Variants in NUP153 observed in about 807,000 individuals in gnomAD.
NUP153 encodes nuclear pore complex protein Nup153.
Under a neutral mutation model 134.6 loss-of-function variants are expected in NUP153, and 27 were observed. That is an observed-to-expected ratio of 0.20 (90% CI 0.15 to 0.28). NUP153 has a LOEUF of 0.28. NUP153 is among the 10% of genes least tolerant of loss of function. NUP153 has a pLI of 1.00. For synonymous variants in NUP153, 640 were observed against 623.5 expected (o/e 1.03, Z -0.40); for missense variants, 1,821 against 1,731.3 (o/e 1.05, Z -0.92).
In NUP153 at chr6:17,638,459, A is replaced by G. The variant is rs1199809737; in HGVS notation, c.1847-689T>C. On this transcript the variant is annotated intron_variant, in intron 15 of 21. Coordinates refer to ENST00000262077, the MANE Select transcript of NUP153 (RefSeq NM_005124.4). The surrounding 1 kb of genome is among the most constrained non-coding windows in gnomAD (Gnocchi z 4.0). ...AGGAGAGAAGATGTAGAAGGTTATT[A>G]GAGGTTTTCTAGTTCCACAAAATAA... Among the ~76,000 whole-genome samples, 1 of 152,242 alleles carries G rather than the reference A, an allele frequency of 6.6e-6. No homozygotes were observed. Among genetic ancestry groups the G allele is most frequent in the Non-Finnish European group, 1.5e-5 (1 of 68,040 alleles).
chr6:17,652,821 C>T (rs1293447917), intron 11 of NUP153, among the ~76,000 whole-genome samples: 1 of 151,768 alleles, frequency 6.6e-6, no homozygotes, highest in Non-Finnish European at 1.5e-5. Flanking sequence ...GTCAGGAGTT[C>T]GAGACCAGCC....
intron 11 of NUP153, among the ~76,000 whole-genome samples, chr6:17,651,431 A>T (rs1766488754): frequency 6.6e-6 from 1 of 152,200 alleles, no homozygotes; most frequent in Non-Finnish European, 1.5e-5. Context: ...GATGAATGAT[A>T]GCCCTCATTC....
chr6:17,650,089 C>T (rs3777713), intron 11 of NUP153, among the ~76,000 whole-genome samples: 3 of 152,062 alleles, frequency 2.0e-5, no homozygotes, highest in African/African-American at 7.2e-5. Flanking sequence ...TTGTGCTAAA[C>T]GCAGAGTAGC....
At position 17,625,829 on chromosome 6, in the gene NUP153, T is replaced by A. The variant is rs1418649687; in HGVS notation, c.3880A>T (p.Thr1294Ser). The change falls in exon 19 of 22, where the codon ACA becomes TCA. Residue 1294 changes from threonine (T) to serine (S), a missense_variant. Coordinates refer to ENST00000262077, the MANE Select transcript of NUP153 (RefSeq NM_005124.4). This position sits in a 1 kb window ranked among gnomAD's most constrained non-coding sequence, Gnocchi z 4.7. ...GTACCTGCAGAGCTAGATGTGGTTG[T>A]GGCTCCAAAGCCGAAACCAGAGGTG... ...TTTSGFGFGA[T>S]TTSSSAGSSF... 6.2e-7 allele frequency: 1 copy of A among 1,613,848 alleles called. No individual in the cohort carries two copies.
chr6:17,629,388 T>C lies in NUP153; in HGVS notation c.2811A>G (p.Ser937=). 1 of 1,614,088 alleles carries C rather than the reference T, an allele frequency of 6.2e-7. No homozygotes were observed. The highest frequency in any genetic ancestry group is 8.5e-7 in the Non-Finnish European group (1 of 1,179,970). Residue 937 remains serine (S), a synonymous_variant, in exon 18 of 22, where the codon TCA becomes TCG. Coordinates refer to ENST00000262077, the MANE Select transcript of NUP153 (RefSeq NM_005124.4). ...TGGGGTTTATAGACCCAGAATCGGA[T>C]GACACACCTATTTTGAATCCTCCCT... ...GDQGGFKIGV[S]SDSGSINPMS... is the part of the protein sequence containing the mutation.
intron 1 of NUP153, among the ~76,000 whole-genome samples, chr6:17,697,207 G>C (rs1769709885): frequency 6.6e-6 from 1 of 152,114 alleles, no homozygotes; most frequent in African/African-American, 2.4e-5. Context: ...AATCCACTGG[G>C]TATTCTCTCT....
chr6:17,651,915 G>A (rs1429551433), intron 11 of NUP153: 15 of 660,780 alleles, frequency 2.3e-5, no homozygotes, highest in Non-Finnish European at 4.2e-5. Context: ...GCAATACGGT[G>A]AGACCTTGTC....
intron 9 of NUP153, among the ~76,000 whole-genome samples, chr6:17,662,722 A>G (rs973353718): frequency 2.6e-5 from 4 of 152,352 alleles, no homozygotes; most frequent in Non-Finnish European, 4.4e-5. Flanking sequence ...CCACACTGCC[A>G]GGAATGGGAC....
At chr6:17,623,914 AAG>A (rs1265003675) in intron 20 of NUP153, among the ~76,000 whole-genome samples, 1 of 152,202 alleles carries the variant, frequency 6.6e-6, no homozygotes, top group African/African-American at 2.4e-5. Flanking sequence ...AGAGTGGAGA[AAG>A]AGAGGAGTGT....
chr6:17,700,566 T>G (rs2113864793), intron 1 of NUP153, among the ~76,000 whole-genome samples: 2 of 152,316 alleles, frequency 1.3e-5, no homozygotes, highest in Middle Eastern at 6.8e-3. Context: ...CTGGAATGAT[T>G]TAAATATTCG....
chr6:17,706,413 C>G lies in NUP153; in HGVS notation c.-26G>C. The G allele has an allele frequency of 6.3e-7, 1 of 1,587,048 alleles. No individual in the cohort carries two copies. Among genetic ancestry groups the G allele is most frequent in the East Asian group, 2.2e-5 (1 of 44,658 alleles). On this transcript the variant is annotated 5_prime_UTR_variant, in exon 1 of 22. Transcript: ENST00000262077. The surrounding 1 kb of genome is among the most constrained non-coding windows in gnomAD (Gnocchi z 5.9). ...GGCGGAGCCTCCGCCGCTTCCCGCT[C>G]CGGGGCGGGTAAGGGGGCGGGAGAG...
rs775857811 is a variant in NUP153 at position 17,647,828 on chromosome 6, T to G, written c.1611A>C (p.Ala537=). 3 of 1,605,940 alleles carry G rather than the reference T, an allele frequency of 1.9e-6. No individual in the cohort carries two copies. In the African/African-American group the frequency reaches 4.0e-5, roughly 21 times the overall value. Residue 537 remains alanine, a synonymous_variant, in exon 13 of 22, where the codon GCA becomes GCC. Transcript: ENST00000262077. The part of the protein sequence containing the change: ...FSSPIVKSTE[A]NVLPPSSIGF... ...TTACAGATGATGGAGGTAGTACATT[T>G]GCCTCAGTAGATTTTACGATTGGAG...
chr6:17,674,948 G>A lies in NUP153; in HGVS notation c.809C>T (p.Ala270Val). ...TAGTTTAGACTGTCTTACAGCAGCT[G>A]CTGCCCCACCGTATGTTGTTTTTCC... ...YPGKTTYGGAAAAVRQSKLRN... is the reference protein window; with the variant it reads ...YPGKTTYGGAVAAVRQSKLRN... Residue 270 changes from alanine to valine, a missense_variant, in exon 5 of 22, where the codon GCA becomes GTA. Physicochemically the swap from Ala to Val is moderately conservative, Grantham distance 64. Coordinates refer to ENST00000262077, the MANE Select transcript of NUP153 (RefSeq NM_005124.4). The A allele has an allele frequency of 6.2e-7, 1 of 1,613,720 alleles. No individual in the cohort carries two copies. The highest frequency in any genetic ancestry group is 8.5e-7 in the Non-Finnish European group (1 of 1,179,742).
intron 11 of NUP153, among the ~76,000 whole-genome samples, chr6:17,657,050 T>G (rs560360596): frequency 1.3e-5 from 2 of 152,288 alleles, no homozygotes; most frequent in South Asian, 4.1e-4. Flanking sequence ...ACTGATTTCT[T>G]TAATTCTTTG....
intron 11 of NUP153, among the ~76,000 whole-genome samples, chr6:17,649,589 A>G (rs1290535911): frequency 4.6e-5 from 7 of 152,216 alleles, no homozygotes; most frequent in Non-Finnish European, 8.8e-5. Context: ...AATATGAAAC[A>G]TAAAGTTATA....
chr6:17,675,361 A>T lies in NUP153; in HGVS notation c.591T>A (p.Thr197=). ...GTGGCAATGAAGTGTTCTTTGAAAC[A>T]GTTATATCTGAAACAAAATTACATA... ...FSSRASDKDI[T]VSKNTSLPPL... The change falls in exon 4 of 22, where the codon ACT becomes ACA. Residue 197 remains threonine, a synonymous_variant. Transcript: ENST00000262077. The surrounding 1 kb of genome is among the most constrained non-coding windows in gnomAD (Gnocchi z 4.4). 2 of 1,613,806 alleles carry T rather than the reference A, an allele frequency of 1.2e-6. No homozygotes were observed. Among genetic ancestry groups the T allele is most frequent in the Non-Finnish European group, 1.7e-6 (2 of 1,179,830 alleles).
chr6:17,652,051 A>T, intron 11 of NUP153: 1 of 380,662 alleles, frequency 2.6e-6, no homozygotes, highest in Non-Finnish European at 4.7e-6. Flanking sequence ...TCTCATCTCA[A>T]AAATAAATAA....
intron 20 of NUP153, among the ~76,000 whole-genome samples, chr6:17,623,357 C>CAAAA (rs11326447): frequency 3.7e-5 from 3 of 81,950 alleles, no homozygotes; most frequent in South Asian, 4.3e-4. Flanking sequence ...GAAAAATGGC[C>CAAAA]AAAAAAAAAA....
rs777553848 is a variant in NUP153 at position 17,674,868 on chromosome 6, A to G, written c.852+37T>C. On this transcript the variant is annotated intron_variant, in intron 5 of 21. Coordinates refer to ENST00000262077, the MANE Select transcript of NUP153 (RefSeq NM_005124.4). ...ATCCAGTTAAAGTGTAAAAAAAAAG[A>G]AAAAAAAAGATCATCAACCCTTCTA... 1.1e-5 allele frequency: 16 copies of G among 1,434,870 alleles called. No individual in the cohort carries two copies. In the East Asian group the frequency reaches 3.2e-4, roughly 29 times the overall value. The allele number at this position is 1,434,870 out of a possible 1,614,324, so 88.9% of individuals were successfully genotyped here.
Sources: allele counts gnomAD v4.1 joint callset (sites outside exome capture counted in the v4.1 genomes callset), GRCh38; gene constraint gnomAD v4.1.1; non-coding constraint Gnocchi (gnomAD v3.1); transcripts MANE v1.5; gene names NCBI Gene and HGNC (gene_info 2026-07-23, HGNC 2026-07-21).